The following MSRA variants were observed in gnomAD, a reference collection of about 807,000 sequenced individuals.
MSRA encodes the protein methionine sulfoxide reductase A.
MSRA carries 54 observed loss-of-function variants against 31.3 expected under a neutral mutation model. That is an observed-to-expected ratio of 1.73 (90% CI 1.39 to 2.17). MSRA has a LOEUF of 2.17. Among genes scored for constraint, MSRA ranks in the 30% most tolerant of loss-of-function variants. MSRA has a pLI of 0.00. For missense variants in MSRA, 507 were observed against 300.9 expected, an observed-to-expected ratio of 1.69 and a Z score of -5.07; for synonymous variants, 169 against 116.5, an observed-to-expected ratio of 1.45 and a Z score of -2.90.
chr8:10,293,347 A>G (rs777870434), intron 3 of MSRA, among the ~76,000 whole-genome samples: 10 of 152,128 alleles, frequency 6.6e-5, no homozygotes, highest in Non-Finnish European at 1.5e-4. Context: ...TTCCATTTGG[A>G]TTCCTGCTCT....
intron 1 of MSRA, among the ~76,000 whole-genome samples, chr8:10,164,212 G>C (rs550549020): frequency 3.3e-5 from 5 of 152,150 alleles, no homozygotes; most frequent in Admixed American, 6.5e-5. Flanking sequence ...AGTCATGAAC[G>C]ATTGCCATTC....
intron 1 of MSRA, among the ~76,000 whole-genome samples, chr8:10,147,239 T>C (rs1803227045): frequency 6.6e-6 from 1 of 151,966 alleles, no homozygotes; most frequent in South Asian, 2.1e-4. Context: ...ATGCTCAGTG[T>C]TGCATGTGTT....
At chr8:10,177,229 A>C (rs967565359) in intron 1 of MSRA, among the ~76,000 whole-genome samples, 1 of 152,202 alleles carries the variant, frequency 6.6e-6, no homozygotes, top group Non-Finnish European at 1.5e-5. Context: ...CACAGAATTC[A>C]GGACAGACAG....
intron 1 of MSRA, among the ~76,000 whole-genome samples, chr8:10,117,690 C>G (rs1186697934): frequency 6.6e-6 from 1 of 152,140 alleles, no homozygotes; most frequent in Non-Finnish European, 1.5e-5. Flanking sequence ...AAAGATCAAG[C>G]AAATACATTT....
intron 5 of MSRA, among the ~76,000 whole-genome samples, chr8:10,422,284 T>C (rs958232046): frequency 6.6e-6 from 1 of 152,016 alleles, no homozygotes; most frequent in African/African-American, 2.4e-5. Flanking sequence ...AGACCCTGTC[T>C]CAGCAACAGA....
chr8:10,338,659 G>A (rs147606591), intron 5 of MSRA, among the ~76,000 whole-genome samples: 31 of 152,296 alleles, frequency 2.0e-4, no homozygotes, highest in Non-Finnish European at 3.2e-4. Context: ...AAGAAGAATT[G>A]TATAGAAAGA....
intron 5 of MSRA, among the ~76,000 whole-genome samples, chr8:10,321,560 T>G (rs1563348243): frequency 6.6e-6 from 1 of 152,204 alleles, no homozygotes; most frequent in African/African-American, 2.4e-5. Context: ...TCTGCCCATA[T>G]GTAATTCATC....
At chr8:10,282,108 T>G (rs997790471) in intron 3 of MSRA, among the ~76,000 whole-genome samples, 1 of 152,194 alleles carries the variant, frequency 6.6e-6, no homozygotes, top group African/African-American at 2.4e-5. Context: ...AATTCATTTG[T>G]CCTTTCTAAT....
chr8:10,383,242 A>G (rs954124300), intron 5 of MSRA, among the ~76,000 whole-genome samples: 20 of 152,184 alleles, frequency 1.3e-4, no homozygotes, highest in African/African-American at 4.8e-4. Context: ...CTCCTGTGTG[A>G]GATGGGGGTC....
intron 1 of MSRA, among the ~76,000 whole-genome samples, chr8:10,095,385 G>A (rs1353235025): frequency 6.6e-6 from 1 of 152,218 alleles, no homozygotes. Context: ...TTTGGCAGAA[G>A]TCGATGCTGT....
intron 1 of MSRA, among the ~76,000 whole-genome samples, chr8:10,171,948 A>G (rs143548732): frequency 6.6e-6 from 1 of 152,256 alleles, no homozygotes; most frequent in South Asian, 2.1e-4. Flanking sequence ...AGTCTGAAGT[A>G]TCTGAAGTAG....
intron 1 of MSRA, among the ~76,000 whole-genome samples, chr8:10,204,283 C>T (rs958134812): frequency 2.0e-5 from 3 of 152,134 alleles, no homozygotes; most frequent in East Asian, 1.9e-4. Flanking sequence ...AGCCTAAGTG[C>T]GTGATATTTA....
rs187754394 is a variant in MSRA at position 10,236,986 on chromosome 8, A to G, written c.212-8118A>G. The stretch of plus-strand genomic sequence containing the variant: ...ACCTTGCGTAAGTCCTCATTCTACC[A>G]CATGTTAACTAACCCTCTAGCTGAT... On this transcript the variant is annotated intron_variant, in intron 2 of 5. Transcript: ENST00000317173. 5.3e-5 allele frequency among the ~76,000 whole-genome samples: 8 copies of G among 152,374 alleles called. No individual in the cohort carries two copies. The East Asian group carries it at 9.6e-4, about 18-fold the overall frequency.
intron 1 of MSRA, among the ~76,000 whole-genome samples, chr8:10,100,828 C>T (rs1425820445): frequency 6.6e-6 from 1 of 152,256 alleles, no homozygotes; most frequent in South Asian, 2.1e-4. Flanking sequence ...TCTTCTCTTA[C>T]AGTTAAGAAT....
chr8:10,387,352 T>A (rs1451540363), intron 5 of MSRA, among the ~76,000 whole-genome samples: 1 of 152,140 alleles, frequency 6.6e-6, no homozygotes, highest in Non-Finnish European at 1.5e-5. Flanking sequence ...GGTTTGAATC[T>A]GCTGAAATAA....
chr8:10,415,802 G>A (rs777238217), intron 5 of MSRA, among the ~76,000 whole-genome samples: 12 of 151,546 alleles, frequency 7.9e-5, no homozygotes, highest in Non-Finnish European at 1.5e-4. Context: ...CTTCTGCTTG[G>A]AGCATGCCCT....
chr8:10,380,201 C>A (rs1194809053), intron 5 of MSRA, among the ~76,000 whole-genome samples: 2 of 152,210 alleles, frequency 1.3e-5, no homozygotes, highest in Non-Finnish European at 2.9e-5. Flanking sequence ...TTTTCATGTG[C>A]TGTTTCCTCT....
At chr8:10,261,145 G>A (rs796513749) in intron 3 of MSRA, among the ~76,000 whole-genome samples, 1 of 152,076 alleles carries the variant, frequency 6.6e-6, no homozygotes, top group South Asian at 2.1e-4. Context: ...AAAAACTATA[G>A]TCTGCTGTGA....
At chr8:10,251,736 C>T (rs908371044) in intron 3 of MSRA, among the ~76,000 whole-genome samples, 1 of 152,112 alleles carries the variant, frequency 6.6e-6, no homozygotes, top group East Asian at 1.9e-4. Context: ...TGAATGGACC[C>T]ATTGCCTGAA....
Sources: allele counts gnomAD v4.1 joint callset (sites outside exome capture counted in the v4.1 genomes callset), GRCh38; gene constraint gnomAD v4.1.1; transcripts MANE v1.5; gene names NCBI Gene and HGNC (gene_info 2026-07-23, HGNC 2026-07-21).